The following RYR3 variants were observed in gnomAD, a reference collection of about 807,000 sequenced individuals.
RYR3 encodes the protein brain ryanodine receptor-calcium release channel.
A neutral mutation model predicts 584.3 loss-of-function variants in RYR3; 207 were observed. The ratio of observed to expected loss-of-function variants is 0.35; its 90% CI spans 0.32 to 0.40. RYR3 has a LOEUF of 0.40. Ranked by LOEUF, RYR3 falls within the 10% of genes least tolerant of loss-of-function variation. RYR3 has a pLI of 1.00. For synonymous variants in RYR3, 2,416 were observed against 2,248.5 expected, an observed-to-expected ratio of 1.07 and a Z score of -2.11; for missense variants, 5,616 against 6,089.2, an observed-to-expected ratio of 0.92 and a Z score of 2.59.
chr15:33,857,707 T>C, intron 98 of RYR3, 73 bp from the exon 99 acceptor site: 2 of 1,573,500 alleles, frequency 1.3e-6, no homozygotes, highest in South Asian at 1.2e-5. Flanking sequence ...CTCGTTTTCT[T>C]AGAGTCTCCT....
intron 100 of RYR3, among the ~76,000 whole-genome samples, chr15:33,860,140 T>C (rs915358390): frequency 1.3e-5 from 2 of 151,944 alleles, no homozygotes; most frequent in African/African-American, 2.4e-5. Flanking sequence ...CTTGTCAAGA[T>C]TGGAGAAAGA....
intron 3 of RYR3, among the ~76,000 whole-genome samples, chr15:33,504,334 A>G (rs1350809242): frequency 6.6e-6 from 1 of 152,202 alleles, no homozygotes; most frequent in Non-Finnish European, 1.5e-5. Flanking sequence ...CTTTGGCCAG[A>G]TATTTCAAAA....
rs764506344 is a variant in RYR3 at position 33,706,988 on chromosome 15, G to A, written c.6553G>A (p.Val2185Ile). 5.0e-6 allele frequency: 8 copies of A among 1,613,868 alleles called. No individual in the cohort carries two copies. In the East Asian group the frequency reaches 1.8e-4, roughly 36 times the overall value. Residue 2185 changes from valine to isoleucine, a missense_variant, in exon 43 of 104, where the codon GTC (valine) becomes ATC (isoleucine). Around this residue, in one of 9 missense-constraint regions of RYR3, gnomAD observed 1,280 missense variants for 1,426.2 expected, o/e 0.90. Transcript: ENST00000634891. ...PMLLAKGYPD[V>I]GWNPIEGERY... is the part of the protein sequence containing the mutation. ...GCTTCTGGCCAAAGGATACCCTGAT[G>A]TCGGCTGGAACCCCATTGAAGGGGA...
In RYR3 at chr15:33,558,418, G is replaced by A. The variant is rs184833762; in HGVS notation, c.973-4419G>A. Among the ~76,000 whole-genome samples the A allele has an allele frequency of 9.0e-3, 1,356 of 151,306 alleles. 23 individuals are homozygous for A. Among genetic ancestry groups the A allele is most frequent in the African/African-American group, 0.031 (1,274 of 41,270 alleles). On this transcript the variant is annotated intron_variant, in intron 10 of 103. Coordinates refer to ENST00000634891, the MANE Select transcript of RYR3 (RefSeq NM_001036.6). ...CAGCTTCATCCATGTCCCTACAAAG[G>A]ACATGAACTCATCATTTTTTATGGC...
At chr15:33,372,489 C>T (rs529753950) in intron 1 of RYR3, among the ~76,000 whole-genome samples, 4 of 151,560 alleles carry the variant, frequency 2.6e-5, no homozygotes, top group African/African-American at 4.9e-5. Context: ...CTCACCCTCC[C>T]GAGTAGCTGG....
At chr15:33,684,685 A>G (rs915971357) in intron 38 of RYR3, among the ~76,000 whole-genome samples, 2 of 152,208 alleles carry the variant, frequency 1.3e-5, no homozygotes, top group African/African-American at 4.8e-5. Flanking sequence ...GAAAAAATAT[A>G]AAGGGCAGCC....
intron 1 of RYR3, among the ~76,000 whole-genome samples, chr15:33,326,635 A>T (rs1969735894): frequency 6.6e-6 from 1 of 152,188 alleles, no homozygotes; most frequent in South Asian, 2.1e-4. Flanking sequence ...ATCGTAAAGC[A>T]ATACTCAGCA....
intron 8 of RYR3, among the ~76,000 whole-genome samples, chr15:33,545,400 G>A (rs1206853988): frequency 6.6e-6 from 1 of 152,082 alleles, no homozygotes; most frequent in Non-Finnish European, 1.5e-5. Flanking sequence ...TTTCACAATA[G>A]GCACACTGGA....
In RYR3 at chr15:33,669,420, C is replaced by G. The variant is rs1335954701; in HGVS notation, c.5686C>G (p.Leu1896Val). The G allele has an allele frequency of 6.2e-7, 1 of 1,613,944 alleles. No individual in the cohort carries two copies. Among genetic ancestry groups the G allele is most frequent in the Admixed American group, 1.7e-5 (1 of 60,020 alleles). ...CPCPEEIREELYDFHEDLLLH... is the reference protein window; with the variant it reads ...CPCPEEIREEVYDFHEDLLLH... Reference sequence around the variant, plus strand: ...CTGCCCAGAGGAGATTCGGGAGGAGCTGTATGATTTCCATGAGGACCTTCT... The same window carrying G: ...CTGCCCAGAGGAGATTCGGGAGGAGGTGTATGATTTCCATGAGGACCTTCT... Residue 1896 changes from leucine to valine, a missense_variant, in exon 37 of 104, where the codon CTG (leucine) becomes GTG (valine). Transcript: ENST00000634891.
chr15:33,668,427 G>C (rs899540086), intron 36 of RYR3, among the ~76,000 whole-genome samples: 8 of 151,996 alleles, frequency 5.3e-5, no homozygotes, highest in African/African-American at 1.7e-4. Context: ...AAAATCTAGA[G>C]GTGTCCAAAG....
At chr15:33,607,442 G>A (rs1407476526) in intron 18 of RYR3, among the ~76,000 whole-genome samples, 5 of 152,154 alleles carry the variant, frequency 3.3e-5, no homozygotes, top group Non-Finnish European at 5.9e-5. Flanking sequence ...GCAGAGATAA[G>A]AACCACTGGC....
chr15:33,810,480 C>T lies in RYR3; in HGVS notation c.10028C>T (p.Ser3343Phe). Reference protein sequence around the residue: ...SKMSKAMQVKSGGQDQERKKT... With the variant: ...SKMSKAMQVKFGGQDQERKKT... Reference sequence around the variant, plus strand: ...GTTTATTTCAACATCATCTCCTAGTCTGGAGGACAAGACCAGGAGCGGAAG... The same window carrying T: ...GTTTATTTCAACATCATCTCCTAGTTTGGAGGACAAGACCAGGAGCGGAAG... Residue 3343 changes from serine (S) to phenylalanine (F), a missense_variant and splice_region_variant, in exon 71 of 104, where the codon TCT (serine) becomes TTT (phenylalanine). Ser to Phe is a radical substitution (Grantham distance 155). This residue lies in a region of RYR3 where 954 missense variants were observed against 1,132.2 expected (regional missense o/e 0.84). Coordinates refer to ENST00000634891, the MANE Select transcript of RYR3 (RefSeq NM_001036.6). 6.2e-7 allele frequency: 1 copy of T among 1,613,976 alleles called. No homozygotes were observed. The highest frequency in any genetic ancestry group is 8.5e-7 in the Non-Finnish European group (1 of 1,179,866).
intron 2 of RYR3, among the ~76,000 whole-genome samples, chr15:33,500,648 T>C (rs972034712): frequency 2.6e-5 from 4 of 152,142 alleles, no homozygotes; most frequent in African/African-American, 9.7e-5. Context: ...CTCTCCATGC[T>C]GAGAGTCATC....
chr15:33,514,017 A>G (rs1412854380), intron 3 of RYR3, among the ~76,000 whole-genome samples: 2 of 152,220 alleles, frequency 1.3e-5, no homozygotes, highest in Non-Finnish European at 2.9e-5. Context: ...TGTACTAAGT[A>G]GTTTTGCCCA....
chr15:33,756,068 C>A (rs1239578528), intron 58 of RYR3, among the ~76,000 whole-genome samples: 1 of 152,174 alleles, frequency 6.6e-6, no homozygotes, highest in Non-Finnish European at 1.5e-5. Context: ...GCCATCGCGC[C>A]CAGCCTTGAA....
At chr15:33,748,808 T>C (rs919518384) in intron 55 of RYR3, among the ~76,000 whole-genome samples, 8 of 152,086 alleles carry the variant, frequency 5.3e-5, no homozygotes, top group African/African-American at 1.7e-4. Context: ...TCAGCATCCA[T>C]GAAAGCTTTA....
intron 17 of RYR3, among the ~76,000 whole-genome samples, chr15:33,602,215 GACTT>G (rs1222549148): frequency 6.6e-6 from 1 of 152,218 alleles, no homozygotes; most frequent in Non-Finnish European, 1.5e-5. Context: ...CTGTCACACA[GACTT>G]ACTTTCTTCA....
intron 3 of RYR3, among the ~76,000 whole-genome samples, chr15:33,518,218 C>T (rs2053681207): frequency 6.6e-6 from 1 of 152,196 alleles, no homozygotes; most frequent in African/African-American, 2.4e-5. Flanking sequence ...GAAGATCATT[C>T]CCAGTCAGCA....
intron 1 of RYR3, among the ~76,000 whole-genome samples, chr15:33,437,202 T>C (rs892929776): frequency 6.6e-6 from 1 of 152,082 alleles, no homozygotes; most frequent in Non-Finnish European, 1.5e-5. Flanking sequence ...TAGTGGCCTA[T>C]TAAGCCTGGA....
Sources: gnomAD v4.1 joint callset for allele counts (sites outside exome capture counted in the v4.1 genomes callset) on GRCh38, gnomAD v4.1.1 for gene constraint, gnomAD v4.1.1 regional missense constraint, MANE v1.5 for transcripts, NCBI Gene and HGNC (gene_info 2026-07-23, HGNC 2026-07-21) for gene names.